Variants in NT5DC1 observed in about 807,000 individuals in gnomAD.
The protein encoded by NT5DC1 is 5'-nucleotidase domain containing 1.
NT5DC1 carries 42 observed loss-of-function variants against 59.4 expected under a neutral mutation model. That is an observed-to-expected ratio of 0.71 (90% CI 0.55 to 0.92). The LOEUF is 0.92. Ranked by LOEUF, NT5DC1 falls within the 40% of genes least tolerant of loss-of-function variation. NT5DC1 has a pLI of 0.00. For missense variants in NT5DC1, 501 were observed against 537.1 expected (o/e 0.93, Z 0.66); for synonymous variants, 172 against 188.1 (o/e 0.91, Z 0.70).
At chr6:116,160,616 T>C (rs1414489515) in intron 6 of NT5DC1, among the ~76,000 whole-genome samples, 2 of 152,250 alleles carry the variant, frequency 1.3e-5, no homozygotes, top group African/African-American at 2.4e-5. Context: ...AAAAACTCTT[T>C]AGTTTAATTA....
At chr6:116,164,051 T>G (rs1780408732) in intron 6 of NT5DC1, among the ~76,000 whole-genome samples, 1 of 152,220 alleles carries the variant, frequency 6.6e-6, no homozygotes, top group South Asian at 2.1e-4. Flanking sequence ...CATGCACAGA[T>G]GAGAAAAATG....
At chr6:116,214,390 T>A (rs2114531440) in intron 6 of NT5DC1, among the ~76,000 whole-genome samples, 1 of 152,320 alleles carries the variant, frequency 6.6e-6, no homozygotes, top group East Asian at 1.9e-4. Context: ...AGCATTTTTA[T>A]CAGATAACGT....
In NT5DC1 at chr6:116,197,419, AT is replaced by A. The variant is rs551907240; in HGVS notation, c.530-23634del. Among the ~76,000 whole-genome samples the A allele has an allele frequency of 2.3e-3, 348 of 152,154 alleles. 3 individuals are homozygous for A. The highest frequency in any genetic ancestry group is 6.8e-3 in the Admixed American group (104 of 15,286). On this transcript the variant is annotated intron_variant, in intron 6 of 11. Coordinates refer to ENST00000319550, the MANE Select transcript of NT5DC1 (RefSeq NM_152729.3). ...GATTTAAAATGCTAAGCAGAATTGAATCATTGGAAGATACTGGGAAGAATCT... is the reference window on the plus strand; with the variant it reads ...GATTTAAAATGCTAAGCAGAATTGAACATTGGAAGATACTGGGAAGAATCT...
chr6:116,178,052 A>AGAGTGTGT (rs1227937871), intron 6 of NT5DC1, among the ~76,000 whole-genome samples: 1 of 136,318 alleles, frequency 7.3e-6, no homozygotes, highest in African/African-American at 2.7e-5. Context: ...CAAAGAGGAA[A>AGAGTGTGT]GTGTGTGTGT....
intron 6 of NT5DC1, chr6:116,158,718 G>C (rs1582842416): frequency 2.6e-5 from 4 of 152,286 alleles, no homozygotes; most frequent in Admixed American, 2.6e-4. Context: ...CATGGATGCT[G>C]TCAGTGGTGA....
intron 8 of NT5DC1, among the ~76,000 whole-genome samples, chr6:116,234,227 T>C (rs1782074152): frequency 1.3e-5 from 2 of 152,086 alleles, no homozygotes; most frequent in East Asian, 3.9e-4. Flanking sequence ...CCCAAAGTGC[T>C]GGGATTACAG....
rs143861633 is a variant in NT5DC1, at chr6:116,121,670, G to A, written c.529+3725G>A. Reference sequence around the variant, plus strand: ...TTTTCCTGGCACAGAAATTCCAGCCGGTCCAGGGATTCCAGGTGGTCCTGG... The same window carrying A: ...TTTTCCTGGCACAGAAATTCCAGCCAGTCCAGGGATTCCAGGTGGTCCTGG... On this transcript the variant is annotated intron_variant, in intron 6 of 11. Transcript: ENST00000319550. 42 of 1,613,726 alleles carry A rather than the reference G, an allele frequency of 2.6e-5. No individual in the cohort carries two copies. The highest frequency in any genetic ancestry group is 1.2e-4 in the South Asian group (11 of 91,060).
In NT5DC1 at chr6:116,228,581, A is replaced by G. The variant is rs188657367; in HGVS notation, c.802+5450A>G. ...GGGCTAGATGTCTAAGGTTCTTTCC[A>G]GCCCTTGTTTTCTAGGCCTCTGATT... On this transcript the variant is annotated intron_variant, in intron 8 of 11. Coordinates refer to ENST00000319550, the MANE Select transcript of NT5DC1 (RefSeq NM_152729.3). 2.4e-3 allele frequency among the ~76,000 whole-genome samples: 369 copies of G among 152,310 alleles called. 1 individual carries two copies. The highest frequency in any genetic ancestry group is 4.2e-3 in the Admixed American group (64 of 15,292).
At chr6:116,207,882 C>G (rs1429702511) in intron 6 of NT5DC1, among the ~76,000 whole-genome samples, 26 of 151,868 alleles carry the variant, frequency 1.7e-4, no homozygotes. Flanking sequence ...GGGTTCCCAT[C>G]ACAGATTATT....
intron 6 of NT5DC1, among the ~76,000 whole-genome samples, chr6:116,128,266 G>C (rs971414682): frequency 2.6e-5 from 4 of 152,110 alleles, no homozygotes; most frequent in African/African-American, 7.2e-5. Flanking sequence ...TCTGACTGCT[G>C]TTTGCTTTGT....
intron 6 of NT5DC1, among the ~76,000 whole-genome samples, chr6:116,218,363 GTC>G (rs1419600357): frequency 1.3e-5 from 2 of 152,070 alleles, no homozygotes; most frequent in Non-Finnish European, 2.9e-5. Flanking sequence ...CTGAAAGCAA[GTC>G]TATGTTTTCA....
At chr6:116,131,668 C>A (rs1012848139) in intron 6 of NT5DC1, among the ~76,000 whole-genome samples, 1 of 152,104 alleles carries the variant, frequency 6.6e-6, no homozygotes, top group Non-Finnish European at 1.5e-5. Flanking sequence ...TTTGCCAATA[C>A]AAATACTTTT....
rs1392966873 is a variant in NT5DC1, at chr6:116,127,587, G to A, written c.529+9642G>A. Among the ~76,000 whole-genome samples, 5 of 152,254 alleles carry A rather than the reference G, an allele frequency of 3.3e-5. No individual in the cohort carries two copies. In the South Asian group the frequency reaches 8.3e-4, roughly 25 times the overall value. ...AGGAGACTACAAAAGATAAGTGAGA[G>A]AAAACACCTGCCTTTTGGCTTATGG... is the stretch of plus-strand genomic sequence containing the variant. On this transcript the variant is annotated intron_variant, in intron 6 of 11. Transcript: ENST00000319550.
intron 8 of NT5DC1, among the ~76,000 whole-genome samples, chr6:116,231,010 G>T (rs1485449562): frequency 6.6e-6 from 1 of 151,080 alleles, no homozygotes; most frequent in Non-Finnish European, 1.5e-5. Context: ...AGAGGCTGAG[G>T]CAGGAAAATC....
chr6:116,162,992 C>T (rs533368187), intron 6 of NT5DC1, among the ~76,000 whole-genome samples: 101 of 151,454 alleles, frequency 6.7e-4, no homozygotes, highest in African/African-American at 1.7e-3. Context: ...CCAGGCGTGG[C>T]GGCAGGCACT....
intron 6 of NT5DC1, among the ~76,000 whole-genome samples, chr6:116,205,607 A>G (rs925525514): frequency 7.4e-5 from 11 of 148,936 alleles, no homozygotes; most frequent in African/African-American, 1.3e-4. Context: ...ATTGGGGGGG[A>G]AAAAAGGCTG....
At chr6:116,179,400 G>T (rs9481610) in intron 6 of NT5DC1, among the ~76,000 whole-genome samples, 3,795 of 151,906 alleles carry the variant, frequency 0.025, 144 homozygotes, top group African/African-American at 0.086. Flanking sequence ...TCTGACAAAG[G>T]ACTAATATCT....
chr6:116,119,817 G>T, intron 6 of NT5DC1: 1 of 396,322 alleles, frequency 2.5e-6, no homozygotes, highest in Non-Finnish European at 4.5e-6. Flanking sequence ...CTTCTTTGGT[G>T]ATATTTTTTA....
intron 8 of NT5DC1, 95 bp downstream of exon 8, chr6:116,223,226 C>T: frequency 1.5e-6 from 1 of 646,940 alleles, no homozygotes; most frequent in Non-Finnish European, 2.8e-6. Context: ...GTCTTCTTTC[C>T]TCTCATGGGG....
Sources: gnomAD v4.1 joint callset for allele counts (sites outside exome capture counted in the v4.1 genomes callset) on GRCh38, gnomAD v4.1.1 for gene constraint, MANE v1.5 for transcripts, NCBI Gene and HGNC (gene_info 2026-07-23, HGNC 2026-07-21) for gene names.